Variants in STK3 observed in about 807,000 individuals in gnomAD.
The protein encoded by STK3 is serine/threonine-protein kinase 3.
STK3 carries 41 observed loss-of-function variants against 58.0 expected under a neutral mutation model. That is an observed-to-expected ratio of 0.71 (90% CI 0.55 to 0.92). The LOEUF (loss-of-function observed/expected upper bound fraction) is 0.92, where lower values mean the gene tolerates loss of function less well. STK3 is among the 40% of genes least tolerant of loss of function. The probability of loss-of-function intolerance (pLI) is 0.00; values close to 1 mark genes in which losing one functional copy is unlikely to be tolerated. For missense variants in STK3, 479 were observed against 602.7 expected (o/e 0.79, Z 2.15); for synonymous variants, 170 against 191.0 (o/e 0.89, Z 0.91).
chr8:98,377,598 A>C (rs2130996747), intron 2 of STK3, among the ~76,000 whole-genome samples: 1 of 152,296 alleles, frequency 6.6e-6, no homozygotes, highest in South Asian at 2.1e-4. Flanking sequence ...AACCTCATGC[A>C]CAACTTCTGT....
At chr8:98,869,030 G>GGAAA (rs1554692584) in intron 3 of STK3, among the ~76,000 whole-genome samples, 13 of 73,340 alleles carry the variant, frequency 1.8e-4, no homozygotes, top group African/African-American at 5.6e-4. Flanking sequence ...AAAGAAGGAA[G>GGAAA]GAAGGAAGGA....
At chr8:98,485,637 C>T (rs554519235) in intron 10 of STK3, among the ~76,000 whole-genome samples, 1 of 152,094 alleles carries the variant, frequency 6.6e-6, no homozygotes, top group Admixed American at 6.6e-5. Context: ...TGCTTGAAAA[C>T]AGCACAGAAA....
the STK3 span, among the ~76,000 whole-genome samples, chr8:98,361,533 T>C: frequency 1.3e-5 from 2 of 152,170 alleles, no homozygotes; most frequent in Non-Finnish European, 2.9e-5. Flanking sequence ...GTACTCAGAA[T>C]AGTGCCTGAC....
At chr8:98,433,065 T>G (rs1431251508) in intron 3 of STK3, among the ~76,000 whole-genome samples, 1 of 152,078 alleles carries the variant, frequency 6.6e-6, no homozygotes, top group African/African-American at 2.4e-5. Context: ...GCCTGGGTGT[T>G]TTTTTTGTTT....
chr8:98,655,067 C>G (rs1187924265), intron 6 of STK3, among the ~76,000 whole-genome samples: 1 of 151,880 alleles, frequency 6.6e-6, no homozygotes, highest in African/African-American at 2.4e-5. Flanking sequence ...AGGCATCACA[C>G]TACCTGACTT....
At chr8:98,548,460 A>C (rs1810898301) in intron 8 of STK3, among the ~76,000 whole-genome samples, 1 of 152,160 alleles carries the variant, frequency 6.6e-6, no homozygotes, top group Non-Finnish European at 1.5e-5. Flanking sequence ...AACAAAGAAT[A>C]TGGTGACAAA....
intron 10 of STK3, among the ~76,000 whole-genome samples, chr8:98,484,400 A>G (rs1001995948): frequency 6.6e-6 from 1 of 152,150 alleles, no homozygotes; most frequent in Non-Finnish European, 1.5e-5. Flanking sequence ...AACAATACCA[A>G]TATAAAAATG....
chr8:98,861,537 G>A (rs548176917), intron 3 of STK3, among the ~76,000 whole-genome samples: 1 of 151,462 alleles, frequency 6.6e-6, no homozygotes, highest in Admixed American at 6.6e-5. Flanking sequence ...TAGTAGAGAC[G>A]GGGTTTCACA....
chr8:98,783,981 G>A (rs548220299), intron 1 of STK3, among the ~76,000 whole-genome samples: 1 of 152,286 alleles, frequency 6.6e-6, no homozygotes, highest in Admixed American at 6.5e-5. Flanking sequence ...ATAAAAGTGA[G>A]GGAAGCCCAA....
the STK3 span, among the ~76,000 whole-genome samples, chr8:98,364,178 C>T: frequency 6.6e-6 from 1 of 152,158 alleles, no homozygotes; most frequent in Non-Finnish European, 1.5e-5. Flanking sequence ...TCCTATGAGG[C>T]CTCAGGCTGG....
rs1276152493 is a variant in STK3 at position 98,428,666 on chromosome 8, C to T, written n.483+5461G>A. 3 of 1,614,094 alleles carry T rather than the reference C, an allele frequency of 1.9e-6. No homozygotes were observed. Among genetic ancestry groups the T allele is most frequent in the Admixed American group, 1.7e-5 (1 of 60,004 alleles). On this transcript the variant is annotated intron_variant and non_coding_transcript_variant, in intron 3 of 3. Transcript: ENST00000517832. The surrounding 1 kb of genome is among the most constrained non-coding windows in gnomAD (Gnocchi z 6.7). ...CTGGCGAGGACCCTAGGTTCGAAAT[C>T]GTGGAGCACTTTGGCATTGCCTGGT...
intron 6 of STK3, among the ~76,000 whole-genome samples, chr8:98,699,567 T>G (rs1420964332): frequency 1.3e-5 from 2 of 152,190 alleles, no homozygotes; most frequent in Non-Finnish European, 2.9e-5. Context: ...TGTTTGTTAG[T>G]TTTCCTTCTA....
intron 1 of STK3, among the ~76,000 whole-genome samples, chr8:98,789,993 A>G (rs1832705732): frequency 6.9e-6 from 1 of 144,638 alleles, no homozygotes; most frequent in Non-Finnish European, 1.5e-5. Flanking sequence ...GCGCCATTGC[A>G]CTCCAGACTG....
At chr8:98,343,980 TATC>T in the STK3 span, among the ~76,000 whole-genome samples, 2 of 152,164 alleles carry the variant, frequency 1.3e-5, no homozygotes, top group Non-Finnish European at 2.9e-5. Context: ...CAAAATTTAT[TATC>T]ATTATTATAT....
intron 4 of STK3, among the ~76,000 whole-genome samples, chr8:98,711,490 C>A (rs927451291): frequency 1.3e-5 from 2 of 152,108 alleles, no homozygotes; most frequent in Non-Finnish European, 2.9e-5. Flanking sequence ...GACAAATGCA[C>A]AAGCCTCAGT....
At position 98,521,259 on chromosome 8, in the gene STK3, A is replaced by C. The variant is rs559800446; in HGVS notation, c.1317+5483T>G. On this transcript the variant is annotated intron_variant, in intron 10 of 10. Coordinates refer to ENST00000419617, the MANE Select transcript of STK3 (RefSeq NM_006281.4). ...AAATAACTCTGCAAAAATTGGATCC[A>C]GTCATATGATCTCTTGATATCCCTT... is the stretch of plus-strand genomic sequence containing the variant. 9.2e-5 allele frequency among the ~76,000 whole-genome samples: 14 copies of C among 152,224 alleles called. No individual in the cohort carries two copies. In the South Asian group the frequency reaches 2.3e-3, roughly 25 times the overall value.
chr8:98,718,581 G>A (rs1827189315), intron 4 of STK3, among the ~76,000 whole-genome samples: 1 of 152,200 alleles, frequency 6.6e-6, no homozygotes, highest in Admixed American at 6.5e-5. Flanking sequence ...TCTAATTTCA[G>A]TTATGCTATA....
At chr8:98,592,350 C>T (rs1347826445) in intron 7 of STK3, among the ~76,000 whole-genome samples, 1 of 152,140 alleles carries the variant, frequency 6.6e-6, no homozygotes, top group East Asian at 1.9e-4. Flanking sequence ...ACCATTTCTC[C>T]TCCCTAAAAT....
chr8:98,901,638 G>A (rs190017832), intron 1 of STK3, among the ~76,000 whole-genome samples: 2 of 152,376 alleles, frequency 1.3e-5, no homozygotes, highest in African/African-American at 4.8e-5. Flanking sequence ...CTGCTGGGAT[G>A]TGTGGGCTGT....
Sources: gnomAD v4.1 joint callset for allele counts (sites outside exome capture counted in the v4.1 genomes callset) on GRCh38, gnomAD v4.1.1 for gene constraint, Gnocchi (gnomAD v3.1) non-coding constraint, MANE v1.5 for transcripts, NCBI Gene and HGNC (gene_info 2026-07-23, HGNC 2026-07-21) for gene names.